DDX11: variants seen among roughly 807,000 people sequenced by gnomAD.
DDX11 encodes ATP-dependent DNA helicase DDX11.
DDX11 carries 72 observed loss-of-function variants against 125.2 expected under a neutral mutation model. That is an observed-to-expected ratio of 0.58 (90% CI 0.48 to 0.70). The LOEUF (loss-of-function observed/expected upper bound fraction) is 0.70, where lower values mean the gene tolerates loss of function less well. Ranked by LOEUF, DDX11 falls within the 30% of genes least tolerant of loss-of-function variation. The pLI, the probability that DDX11 is intolerant of heterozygous loss-of-function variation, is 0.00. For missense variants in DDX11, 883 were observed against 1,165.0 expected (o/e 0.76, Z 3.52); for synonymous variants, 347 against 452.6 (o/e 0.77, Z 2.96).
rs1426883277 is a variant in DDX11 at position 31,091,856 on chromosome 12, G to T, written c.1227G>T (p.Glu409Asp). ...CCATCACGGGCATGCACAGCGTGGA[G>T]GTCAGCGGCTCCCAGGTGTGTGGGC... ...IDTITGMHSV[E>D]VSGSQLCQAH... is the part of the protein sequence containing the mutation. Residue 409 changes from glutamate to aspartate, a missense_variant, in exon 10 of 27, where the codon GAG (glutamate) becomes GAT (aspartate). Physicochemically the swap from Glu to Asp is conservative, Grantham distance 45 (BLOSUM62 2). Around this residue, in one of 5 missense-constraint regions of DDX11, gnomAD observed 241 missense variants for 279.7 expected, o/e 0.86. Transcript: ENST00000542838. 6.2e-7 allele frequency: 1 copy of T among 1,613,906 alleles called. No individual in the cohort carries two copies. Among genetic ancestry groups the T allele is most frequent in the South Asian group, 1.1e-5 (1 of 91,076 alleles).
At chr12:31,078,364 C>T (rs1818535929) in intron 1 of DDX11, 26 bp from the exon 2 acceptor site, 1 of 1,600,140 alleles carries the variant, frequency 6.2e-7, no homozygotes, top group Non-Finnish European at 8.5e-7. Flanking sequence ...GAGAGAGCTC[C>T]CTAATGTTGT....
At chr12:31,095,707 G>A (rs943019209) in intron 14 of DDX11, among the ~76,000 whole-genome samples, 4 of 151,538 alleles carry the variant, frequency 2.6e-5, no homozygotes, top group Admixed American at 1.3e-4. Flanking sequence ...CCGTCCCTGC[G>A]CTTCTCCCAC....
intron 12 of DDX11, among the ~76,000 whole-genome samples, chr12:31,094,030 A>G (rs1592729000): frequency 2.6e-5 from 4 of 151,736 alleles, no homozygotes; most frequent in African/African-American, 9.7e-5. Flanking sequence ...AGACGCATAA[A>G]CTAGAGCTCG....
chr12:31,092,593 G>C (rs1478082636), intron 10 of DDX11, among the ~76,000 whole-genome samples: 1 of 152,070 alleles, frequency 6.6e-6, no homozygotes, highest in East Asian at 1.9e-4. Context: ...CCATACTTGA[G>C]GAATTCAGCC....
At position 31,093,321 on chromosome 12, in the gene DDX11, G is replaced by C; in HGVS notation, c.1366G>C (p.Gly456Arg). The C allele has an allele frequency of 6.2e-7, 1 of 1,613,788 alleles. No individual in the cohort carries two copies. Among genetic ancestry groups the C allele is most frequent in the Non-Finnish European group, 8.5e-7 (1 of 1,179,798 alleles). Residue 456 changes from glycine (G) to arginine (R), a missense_variant, in exon 12 of 27, where the codon GGG becomes CGG. Gly to Arg is a moderately radical substitution (Grantham distance 125). Around this residue, in one of 5 missense-constraint regions of DDX11, gnomAD observed 241 missense variants for 279.7 expected, o/e 0.86. Coordinates refer to ENST00000542838, the MANE Select transcript of DDX11 (RefSeq NM_030653.4). ...GCTGGAGAAATTCGTGGCTGTGCTA[G>C]GGGGTGAGAGCCTCGTCCCCCTGCT... is the stretch of plus-strand genomic sequence containing the variant. Reference protein sequence around the residue: ...YLLEKFVAVLGGNIKQNPNTQ... With the variant: ...YLLEKFVAVLRGNIKQNPNTQ...
intron 17 of DDX11, among the ~76,000 whole-genome samples, chr12:31,097,401 C>T (rs1001192519): frequency 1.3e-5 from 2 of 150,240 alleles, no homozygotes; most frequent in Admixed American, 6.6e-5. Context: ...GAGGATAGGC[C>T]GGGCGCGGTG....
rs1390101233 is a variant in DDX11 at position 31,096,648 on chromosome 12, C to T, written c.1533C>T (p.Phe511=). Residue 511 remains phenylalanine (F), a synonymous_variant, in exon 16 of 27, where the codon TTC becomes TTT. Coordinates refer to ENST00000542838, the MANE Select transcript of DDX11 (RefSeq NM_030653.4). ...CTCATCCCACCCAGCTCTTTGGATTCACTGAACGGTACGGAGCAGTGTTCT... is the reference window on the plus strand; with the variant it reads ...CTCATCCCACCCAGCTCTTTGGATTTACTGAACGGTACGGAGCAGTGTTCT... ...KSMISRKLFG[F]TERYGAVFSS... 2 of 1,613,456 alleles carry T rather than the reference C, an allele frequency of 1.2e-6. No individual in the cohort carries two copies. The highest frequency in any genetic ancestry group is 8.5e-7 in the Non-Finnish European group (1 of 1,179,910).
chr12:31,084,514 C>G (rs1942667307), intron 3 of DDX11, 69 bp from the exon 4 acceptor site: 1 of 1,413,296 alleles, frequency 7.1e-7, no homozygotes, highest in Non-Finnish European at 9.8e-7. Flanking sequence ...GCTGAGTGGC[C>G]CAGACTCCTT....
At chr12:31,096,783 G>T in intron 16 of DDX11, 38 bp downstream of exon 16, 1 of 1,614,194 alleles carries the variant, frequency 6.2e-7, no homozygotes, top group African/African-American at 1.3e-5. Flanking sequence ...CCGGCTGCAC[G>T]CATGGGCAAG....
intron 2 of DDX11, among the ~76,000 whole-genome samples, chr12:31,078,915 C>CGGGCGGATCACGAGGTCAG (rs1941282979): frequency 6.6e-6 from 1 of 152,162 alleles, no homozygotes; most frequent in African/African-American, 2.4e-5. Flanking sequence ...TCTCAGTCTT[C>CGGGCGGATCACGAGGTCAG]TGACCTCGTG....
chr12:31,079,137 T>C (rs1388272979), intron 2 of DDX11, among the ~76,000 whole-genome samples: 1 of 152,280 alleles, frequency 6.6e-6, no homozygotes, highest in East Asian at 1.9e-4. Context: ...TAGTCTCTGC[T>C]GAGTGAACCA....
At position 31,083,858 on chromosome 12, in the gene DDX11, G is replaced by A. The variant is rs1942505392; in HGVS notation, c.190G>A (p.Asp64Asn). Residue 64 changes from aspartate (D) to asparagine (N), a missense_variant, in exon 3 of 27, where the codon GAC becomes AAC. By Grantham distance (23) the Asp-to-Asn change is conservative. Coordinates refer to ENST00000542838, the MANE Select transcript of DDX11 (RefSeq NM_030653.4). Reference protein sequence around the residue: ...LICGALSWLRDFEQKKREEEA... With the variant: ...LICGALSWLRNFEQKKREEEA... ...TTGTGGGGCCCTCTCTTGGCTCCGT[G>A]ACTTTGAACAGAAGAAGCGTGAAGA... 3 of 1,612,556 alleles carry A rather than the reference G, an allele frequency of 1.9e-6. No individual in the cohort carries two copies. The highest frequency in any genetic ancestry group is 2.5e-6 in the Non-Finnish European group (3 of 1,179,866).
Position 31,100,646 on chromosome 12 carries a change from C to T in DDX11, c.1887C>T (p.Phe629=). ...AGGTMQPVSD[F]RQQLLACAGV... ...GCCTTGGTCTACAGGTGTCTGACTT[C>T]CGGCAGCAGCTGCTGGCCTGTGCCG... The change falls in exon 19 of 27, where the codon TTC becomes TTT. Residue 629 remains phenylalanine (F), a synonymous_variant. Coordinates refer to ENST00000542838, the MANE Select transcript of DDX11 (RefSeq NM_030653.4). 6.4e-7 allele frequency: 1 copy of T among 1,552,504 alleles called. No individual in the cohort carries two copies. Among genetic ancestry groups the T allele is most frequent in the Non-Finnish European group, 8.7e-7 (1 of 1,147,150 alleles).
rs7299908 is a variant in DDX11 at position 31,078,296 on chromosome 12, G to A, written c.-4-94G>A. On this transcript the variant is annotated intron_variant, in intron 1 of 26. Coordinates refer to ENST00000542838, the MANE Select transcript of DDX11 (RefSeq NM_030653.4). ...GAAAAAAGGAGAAATTTGGTAATAAGTGTGGAGACTGCTCTTAAATAATGC... is the reference window on the plus strand; with the variant it reads ...GAAAAAAGGAGAAATTTGGTAATAAATGTGGAGACTGCTCTTAAATAATGC... 5.0e-3 allele frequency: 8,022 copies of A among 1,610,768 alleles called. 338 individuals carry two copies. In the African/African-American group the frequency reaches 0.095, roughly 19 times the overall value.
Position 31,103,752 on chromosome 12 carries a change from T to C in DDX11, c.2691+21T>C, listed in dbSNP as rs142842381. ...AGAAGGTCAGTCCTACCTTTTTCTT[T>C]CTGAGAGCCTCCCCACCCCGAGATC... On this transcript the variant is annotated intron_variant, in intron 26 of 26. Transcript: ENST00000542838. The C allele has an allele frequency of 3.5e-3, 5,689 of 1,613,600 alleles. 144 individuals carry two copies. In the African/African-American group the frequency reaches 0.067, roughly 19 times the overall value.
At chr12:31,087,882 C>T (rs1220095815) in intron 5 of DDX11, 56 bp from the exon 6 acceptor site, 47 of 1,577,000 alleles carry the variant, frequency 3.0e-5, no homozygotes, top group South Asian at 3.5e-5. Flanking sequence ...ATGCTCAGTG[C>T]GTTTTGCTGA....
rs1942787531 is a variant in DDX11, at chr12:31,084,907, G to A, written c.481-62G>A. On this transcript the variant is annotated intron_variant, in intron 4 of 26. Transcript: ENST00000542838. ...TGGTGTGCTTTGTCTCTGGCATGTG[G>A]GGAGGTGGGTACTGGTGCTGAGACT... 1.9e-6 allele frequency: 3 copies of A among 1,550,566 alleles called. No homozygotes were observed. The Admixed American group carries it at 5.7e-5, about 30-fold the overall frequency.
chr12:31,103,453 G>A (rs766396723), intron 25 of DDX11, 58 bp downstream of exon 25: 193 of 1,601,552 alleles, frequency 1.2e-4, no homozygotes, highest in Non-Finnish European at 1.5e-4. Flanking sequence ...AGGGAGAACA[G>A]GAAAGAGGGG....
At chr12:31,096,164 A>AGG (rs1250281492) in intron 14 of DDX11, among the ~76,000 whole-genome samples, 177 bp from the exon 15 acceptor site, 2 of 151,526 alleles carry the variant, frequency 1.3e-5, no homozygotes, top group African/African-American at 4.9e-5. Context: ...GCAGTAGAGG[A>AGG]GGGGGTGGCC....
Sources: allele counts gnomAD v4.1 joint callset (sites outside exome capture counted in the v4.1 genomes callset), GRCh38; gene constraint gnomAD v4.1.1; regional missense constraint gnomAD v4.1.1; transcripts MANE v1.5; gene names NCBI Gene and HGNC (gene_info 2026-07-23, HGNC 2026-07-21).